Variants in FARP1 observed in about 807,000 individuals in gnomAD.
The protein encoded by FARP1 is FERM, ARHGEF and pleckstrin domain-containing protein 1.
FARP1 carries 52 observed loss-of-function variants against 128.8 expected under a neutral mutation model. That is an observed-to-expected ratio of 0.40 (90% CI 0.32 to 0.51). FARP1 has a LOEUF of 0.51. FARP1 is among the 20% of genes least tolerant of loss of function. The pLI is 0.45. For missense variants in FARP1, 1,333 were observed against 1,367.9 expected (o/e 0.97, Z 0.40); for synonymous variants, 580 against 551.8 (o/e 1.05, Z -0.72).
Position 98,411,966 on chromosome 13 carries a change from G to A in FARP1, c.1758G>A (p.Pro586=), listed in dbSNP as rs771594932. 4 of 1,614,040 alleles carry A rather than the reference G, an allele frequency of 2.5e-6. No homozygotes were observed. The Admixed American group carries it at 5.0e-5, about 20-fold the overall frequency. Residue 586 remains proline (P), a synonymous_variant, in exon 16 of 27, where the codon CCG becomes CCA. Transcript: ENST00000319562. The part of the protein sequence containing the change: ...MPEALKSLIF[P]NFEPLHKFHT... ...AAGCACTGAAAAGTCTCATATTCCCGAATTTTGAACCTTTGCACAAATTTC... is the reference window on the plus strand; with the variant it reads ...AAGCACTGAAAAGTCTCATATTCCCAAATTTTGAACCTTTGCACAAATTTC...
chr13:98,249,892 C>T (rs960384024), intron 2 of FARP1, among the ~76,000 whole-genome samples: 3 of 152,144 alleles, frequency 2.0e-5, no homozygotes, highest in South Asian at 2.1e-4. Context: ...GTTACATATG[C>T]GATGTTTGAC....
rs746029827 is a variant in FARP1 at position 98,440,774 on chromosome 13, G to A, written c.2734G>A (p.Val912Met). ...RQAPHRGNTMVHVCWHRNTSV... is the reference protein window; with the variant it reads ...RQAPHRGNTMMHVCWHRNTSV... ...GGCCCCGCACCGCGGCAACACAATG[G>A]TGCACGTGTGCTGGCACCGCAACAC... is the stretch of plus-strand genomic sequence containing the variant. Residue 912 changes from valine (V) to methionine (M), a missense_variant, in exon 24 of 27, where the codon GTG becomes ATG. Physicochemically the swap from Val to Met is conservative, Grantham distance 21. This residue lies in a region of FARP1 where 1,009 missense variants were observed against 969.8 expected (regional missense o/e 1.04). Coordinates refer to ENST00000319562, the MANE Select transcript of FARP1 (RefSeq NM_005766.4). The A allele has an allele frequency of 6.2e-7, 1 of 1,613,216 alleles. No individual in the cohort carries two copies. The highest frequency in any genetic ancestry group is 1.3e-5 in the African/African-American group (1 of 75,064).
chr13:98,370,622 G>A (rs753171316), intron 5 of FARP1, among the ~76,000 whole-genome samples: 2 of 151,960 alleles, frequency 1.3e-5, no homozygotes, highest in African/African-American at 4.8e-5. Context: ...AAAGGATGGA[G>A]GGAAGTGGAG....
intron 5 of FARP1, among the ~76,000 whole-genome samples, chr13:98,376,105 A>C (rs1025671909): frequency 6.6e-6 from 1 of 152,198 alleles, no homozygotes; most frequent in South Asian, 2.1e-4. Flanking sequence ...GGTGGTATCT[A>C]TGACCTTAAG....
Position 98,262,885 on chromosome 13 carries a change from C to T in FARP1, c.171+49472C>T, listed in dbSNP as rs192832890. 3.0e-3 allele frequency among the ~76,000 whole-genome samples: 458 copies of T among 152,112 alleles called. 4 individuals are homozygous for T. Among genetic ancestry groups the T allele is most frequent in the Middle Eastern group, 6.8e-3 (2 of 294 alleles). On this transcript the variant is annotated intron_variant, in intron 2 of 26. Coordinates refer to ENST00000319562, the MANE Select transcript of FARP1 (RefSeq NM_005766.4). Reference sequence around the variant, plus strand: ...TTGGAGAAGCTAAGTATTACAGTGGCCTGGTATAAATGTTGACTGTAACAT... The same window carrying T: ...TTGGAGAAGCTAAGTATTACAGTGGTCTGGTATAAATGTTGACTGTAACAT...
At chr13:98,177,342 A>T in intron 1 of FARP1, 1 of 900,710 alleles carries the variant, frequency 1.1e-6, no homozygotes, top group Non-Finnish European at 1.6e-6. Context: ...AAGCAAAAGC[A>T]AGTGAAAGAA....
intron 1 of FARP1, among the ~76,000 whole-genome samples, chr13:98,165,912 G>T (rs1418390014): frequency 6.6e-6 from 1 of 151,752 alleles, no homozygotes; most frequent in East Asian, 1.9e-4. Flanking sequence ...TAGAGGTGGG[G>T]TTTTGCCATG....
intron 1 of FARP1, among the ~76,000 whole-genome samples, chr13:98,166,745 CAG>C (rs1219748390): frequency 7.2e-6 from 1 of 138,424 alleles, no homozygotes; most frequent in Non-Finnish European, 1.5e-5. Flanking sequence ...TTTTTTGAAA[CAG>C]GGTCTCGTTC....
chr13:98,401,846 A>T (rs1890785784), intron 13 of FARP1: 1 of 152,172 alleles, frequency 6.6e-6, no homozygotes, highest in Non-Finnish European at 1.5e-5. Flanking sequence ...ACTCTGATTT[A>T]TTCAGGATCA....
chr13:98,288,256 A>T (rs1418691444), intron 2 of FARP1, among the ~76,000 whole-genome samples: 1 of 152,206 alleles, frequency 6.6e-6, no homozygotes, highest in Non-Finnish European at 1.5e-5. Context: ...GCTTATGCAT[A>T]GCTAAGTGTG....
chr13:98,174,628 G>A (rs1462175430), intron 1 of FARP1, among the ~76,000 whole-genome samples: 1 of 152,190 alleles, frequency 6.6e-6, no homozygotes, highest in East Asian at 1.9e-4. Context: ...CTTAGAGAAA[G>A]CTCTATGTGA....
chr13:98,167,343 C>G (rs1181859465), intron 1 of FARP1, among the ~76,000 whole-genome samples: 1 of 151,378 alleles, frequency 6.6e-6, no homozygotes, highest in Non-Finnish European at 1.5e-5. Context: ...TAGTTTTTTT[C>G]CCTTATGGCA....
At chr13:98,411,360 T>A (rs144684504) in intron 15 of FARP1, among the ~76,000 whole-genome samples, 60 of 152,316 alleles carry the variant, frequency 3.9e-4, no homozygotes, top group African/African-American at 1.3e-3. Context: ...TTGGGATCAC[T>A]GAGTTTCTGA....
At chr13:98,239,337 C>T (rs1882629278) in intron 2 of FARP1, among the ~76,000 whole-genome samples, 1 of 152,226 alleles carries the variant, frequency 6.6e-6, no homozygotes, top group African/African-American at 2.4e-5. Flanking sequence ...CCAAGGCCCT[C>T]AGGGCAAACA....
chr13:98,352,801 G>A (rs1444018809), intron 3 of FARP1, among the ~76,000 whole-genome samples: 1 of 152,184 alleles, frequency 6.6e-6, no homozygotes, highest in Non-Finnish European at 1.5e-5. Flanking sequence ...AGTACTGTGA[G>A]TGTGCAGTCA....
chr13:98,308,866 C>T (rs1314957575), intron 2 of FARP1, among the ~76,000 whole-genome samples: 5 of 151,894 alleles, frequency 3.3e-5, no homozygotes, highest in South Asian at 4.2e-4. Context: ...TTCACAAAAA[C>T]GGGGTTTCAC....
At chr13:98,433,980 G>C (rs1041031077) in intron 18 of FARP1, 18 of 152,392 alleles carry the variant, frequency 1.2e-4, no homozygotes, top group Non-Finnish European at 1.5e-5. Flanking sequence ...TCGCCCATGG[G>C]GGTGAGAGCG....
chr13:98,447,487 TC>T (rs1181591511), intron 26 of FARP1: 1 of 152,354 alleles, frequency 6.6e-6, no homozygotes, highest in Non-Finnish European at 1.5e-5. Context: ...GCAGTCCAGA[TC>T]CTGAAAGGCC....
chr13:98,143,857 G>A (rs1348052199), intron 1 of FARP1, among the ~76,000 whole-genome samples: 3 of 151,768 alleles, frequency 2.0e-5, no homozygotes, highest in Non-Finnish European at 2.9e-5. Context: ...TGACAGCGCT[G>A]GACGCCGCTT....
Sources: gnomAD v4.1 joint callset for allele counts (sites outside exome capture counted in the v4.1 genomes callset) on GRCh38, gnomAD v4.1.1 for gene constraint, gnomAD v4.1.1 regional missense constraint, MANE v1.5 for transcripts, NCBI Gene and HGNC (gene_info 2026-07-23, HGNC 2026-07-21) for gene names.